SMC6: variants seen among roughly 807,000 people sequenced by gnomAD.
The protein encoded by SMC6 is structural maintenance of chromosomes 6, also known as structural maintenance of chromosomes protein 6.
In SMC6, 79 loss-of-function variants were observed where a neutral mutation model predicts 142.2. The observed-to-expected ratio is 0.56, with a 90% CI of 0.46 to 0.67. SMC6 has a LOEUF of 0.67. Ranked by LOEUF, SMC6 falls within the 30% of genes least tolerant of loss-of-function variation. The pLI, the probability that SMC6 is intolerant of heterozygous loss-of-function variation, is 0.00. For synonymous variants in SMC6, 411 were observed against 412.4 expected (o/e 1.00, Z 0.04); for missense variants, 1,072 against 1,284.0 (o/e 0.83, Z 2.52).
At chr2:17,747,809 T>G (rs909626594) in intron 2 of SMC6, among the ~76,000 whole-genome samples, 2 of 152,152 alleles carry the variant, frequency 1.3e-5, no homozygotes, top group African/African-American at 4.8e-5. Context: ...TGGCCAAAAC[T>G]GAGCAACTTT....
At chr2:17,721,519 ACACAAAT>A (rs1669374519) in intron 9 of SMC6, among the ~76,000 whole-genome samples, 1 of 152,186 alleles carries the variant, frequency 6.6e-6, no homozygotes, top group South Asian at 2.1e-4. Flanking sequence ...GTTCAAGACT[ACACAAAT>A]ATAGAGAAAT....
intron 15 of SMC6, among the ~76,000 whole-genome samples, chr2:17,715,609 C>A (rs139031093): frequency 6.6e-6 from 1 of 151,966 alleles, no homozygotes; most frequent in African/African-American, 2.4e-5. Context: ...CCCAAGAACA[C>A]GTGACTAAAA....
intron 18 of SMC6, 141 bp from the exon 19 acceptor site, chr2:17,703,433 A>T: frequency 1.6e-6 from 1 of 641,180 alleles, no homozygotes; most frequent in Non-Finnish European, 2.5e-6. Flanking sequence ...CTATAATCCT[A>T]CCAAGCTATT....
At chr2:17,737,100 G>GT (rs1315817950) in intron 5 of SMC6, among the ~76,000 whole-genome samples, 1 of 152,102 alleles carries the variant, frequency 6.6e-6, no homozygotes, top group Non-Finnish European at 1.5e-5. Context: ...TTATCAAATA[G>GT]TTTTTTCCCA....
At position 17,692,479 on chromosome 2, in the gene SMC6, G is replaced by A. The variant is rs538627526; in HGVS notation, c.2678+2673C>T. Among the ~76,000 whole-genome samples, 5 of 152,232 alleles carry A rather than the reference G, an allele frequency of 3.3e-5. No individual in the cohort carries two copies. The East Asian group carries it at 5.8e-4, about 18-fold the overall frequency. On this transcript the variant is annotated intron_variant, in intron 23 of 27. Coordinates refer to ENST00000448223, the MANE Select transcript of SMC6 (RefSeq NM_001142286.2). The stretch of plus-strand genomic sequence containing the variant: ...CGAAGGATTCCCTATTTAATAAATG[G>A]TGCTGGGAAAACTGGCTAGCCATAT...
At chr2:17,743,806 C>G (rs1344581064) in intron 3 of SMC6, among the ~76,000 whole-genome samples, 1 of 152,174 alleles carries the variant, frequency 6.6e-6, no homozygotes, top group Non-Finnish European at 1.5e-5. Context: ...CATAGTTATG[C>G]CTTTTTCAGA....
rs145905529 is a variant in SMC6 at position 17,727,169 on chromosome 2, G to T, written c.544-700C>A. ...ATTGGATTGAAGGATGCAAAGTATTGATTCTGGGTGTGTTCCCGAGGGTAT... is the reference window on the plus strand; with the variant it reads ...ATTGGATTGAAGGATGCAAAGTATTTATTCTGGGTGTGTTCCCGAGGGTAT... On this transcript the variant is annotated intron_variant, in intron 7 of 27. Transcript: ENST00000448223. Among the ~76,000 whole-genome samples the T allele has an allele frequency of 1.9e-3, 284 of 152,262 alleles. 1 individual carries two copies. Among genetic ancestry groups the T allele is most frequent in the African/African-American group, 6.7e-3 (278 of 41,544 alleles).
At chr2:17,688,274 C>G (rs1307147587) in intron 23 of SMC6, among the ~76,000 whole-genome samples, 1 of 148,368 alleles carries the variant, frequency 6.7e-6, no homozygotes, top group Non-Finnish European at 1.5e-5. Flanking sequence ...ATAGAATGAG[C>G]TTGAAATATT....
chr2:17,666,974 C>G (rs1352462908), intron 26 of SMC6, among the ~76,000 whole-genome samples: 1 of 152,118 alleles, frequency 6.6e-6, no homozygotes, highest in Non-Finnish European at 1.5e-5. Flanking sequence ...AGAGTGAAAG[C>G]CCATCTCTAA....
In SMC6 at chr2:17,688,479, C is replaced by G. The variant is rs576424827; in HGVS notation, c.2679-4716G>C. Among the ~76,000 whole-genome samples, 38 of 152,104 alleles carry G rather than the reference C, an allele frequency of 2.5e-4. 1 individual carries two copies. In the South Asian group the frequency reaches 6.4e-3, roughly 26 times the overall value. On this transcript the variant is annotated intron_variant, in intron 23 of 27. Coordinates refer to ENST00000448223, the MANE Select transcript of SMC6 (RefSeq NM_001142286.2). ...CTTTGGGAGGCTGAGGTGGGAGGAT[C>G]ACTTGAGCCCGGGAGGGAGAGGTTG...
intron 7 of SMC6, among the ~76,000 whole-genome samples, chr2:17,728,625 A>G (rs1292132649): frequency 6.6e-6 from 1 of 152,250 alleles, no homozygotes; most frequent in Non-Finnish European, 1.5e-5. Context: ...AAACTTCAGC[A>G]AGAGGATAAG....
chr2:17,721,160 A>G lies in SMC6; in HGVS notation c.828T>C (p.His276=). The change falls in exon 10 of 28, where the codon CAT becomes CAC. Residue 276 remains histidine (H), a synonymous_variant. Coordinates refer to ENST00000448223, the MANE Select transcript of SMC6 (RefSeq NM_001142286.2). The part of the protein sequence containing the change: ...TMKTNLESLK[H]EMAWAVVNEI... ...TAATTACCACTGCCCAAGCCATTTCATGTTTCAAGGACTCTAAATTAGTCT... is the reference window on the plus strand; with the variant it reads ...TAATTACCACTGCCCAAGCCATTTCGTGTTTCAAGGACTCTAAATTAGTCT... 2 of 1,611,132 alleles carry G rather than the reference A, an allele frequency of 1.2e-6. No individual in the cohort carries two copies. The highest frequency in any genetic ancestry group is 2.2e-5 in the East Asian group (1 of 44,798).
At chr2:17,684,474 T>C (rs1029558689) in intron 23 of SMC6, among the ~76,000 whole-genome samples, 1 of 152,108 alleles carries the variant, frequency 6.6e-6, no homozygotes, top group African/African-American at 2.4e-5. Context: ...AGAAAACTTA[T>C]TAGAACAGTG....
intron 23 of SMC6, among the ~76,000 whole-genome samples, chr2:17,689,539 G>A (rs960179226): frequency 6.6e-6 from 1 of 152,152 alleles, no homozygotes; most frequent in African/African-American, 2.4e-5. Flanking sequence ...AAAAAGTAAA[G>A]TAATGTGAGT....
intron 23 of SMC6, among the ~76,000 whole-genome samples, chr2:17,687,587 TA>T (rs1667517116): frequency 6.6e-6 from 1 of 151,940 alleles, no homozygotes; most frequent in South Asian, 2.1e-4. Context: ...CACAAACAAA[TA>T]AAAAACATGA....
At chr2:17,717,227 C>T (rs2125000884) in intron 12 of SMC6, 51 bp from the exon 13 acceptor site, 1 of 1,318,624 alleles carries the variant, frequency 7.6e-7, no homozygotes, top group South Asian at 1.3e-5. Flanking sequence ...ACAAATATCC[C>T]ATTCACGTCC....
intron 20 of SMC6, 126 bp downstream of exon 20, chr2:17,701,703 G>C (rs1668279752): frequency 1.6e-6 from 1 of 612,016 alleles, no homozygotes; most frequent in Non-Finnish European, 2.9e-6. Context: ...TTGGTGAATG[G>C]AGACAGCAAT....
At position 17,664,499 on chromosome 2, in the gene SMC6, A is replaced by G. The variant is rs1666405170; in HGVS notation, c.*1000T>C. The G allele has an allele frequency of 6.6e-6, 1 of 152,240 alleles. No homozygotes were observed. Among genetic ancestry groups the G allele is most frequent in the South Asian group, 2.1e-4 (1 of 4,832 alleles). The allele number at this position is 152,240 out of a possible 1,614,324, so 9.4% of individuals were successfully genotyped here. On this transcript the variant is annotated 3_prime_UTR_variant, in exon 28 of 28. Coordinates refer to ENST00000448223, the MANE Select transcript of SMC6 (RefSeq NM_001142286.2). ...AGGAATGCTTCTTGATATCCAATAC[A>G]TTCTTAAAAAGTTTAGCATGAATCC...
At chr2:17,730,199 A>C (rs1669837805) in intron 7 of SMC6, among the ~76,000 whole-genome samples, 1 of 152,176 alleles carries the variant, frequency 6.6e-6, no homozygotes, top group Non-Finnish European at 1.5e-5. Context: ...GTGTCTTCTA[A>C]AGGTAATTCT....
Sources: allele counts gnomAD v4.1 joint callset (sites outside exome capture counted in the v4.1 genomes callset), GRCh38; gene constraint gnomAD v4.1.1; transcripts MANE v1.5; gene names NCBI Gene and HGNC (gene_info 2026-07-23, HGNC 2026-07-21).